The following NR4A1 variants were observed in gnomAD, a reference collection of about 807,000 sequenced individuals.
The protein encoded by NR4A1 is nuclear receptor subfamily 4 group A member 1.
In NR4A1, 24 loss-of-function variants were observed where a neutral mutation model predicts 47.5. The observed-to-expected ratio is 0.50, with a 90% CI of 0.37 to 0.71. NR4A1 has a LOEUF of 0.71. NR4A1 is among the 30% of genes least tolerant of loss of function. The pLI, the probability that NR4A1 is intolerant of heterozygous loss-of-function variation, is 0.00. For synonymous variants in NR4A1, 353 were observed against 345.7 expected (o/e 1.02, Z -0.24); for missense variants, 669 against 788.6 (o/e 0.85, Z 1.82).
chr12:52,040,661 C>T (rs895300873), intron 1 of NR4A1, among the ~76,000 whole-genome samples: 2 of 152,116 alleles, frequency 1.3e-5, no homozygotes, highest in African/African-American at 4.8e-5. Flanking sequence ...GGGAGGGGTG[C>T]TGACAATGTT....
At chr12:52,044,435 G>T (rs1938553906) in intron 2 of NR4A1, among the ~76,000 whole-genome samples, 1 of 152,184 alleles carries the variant, frequency 6.6e-6, no homozygotes, top group South Asian at 2.1e-4. Context: ...TGGCAAGTCC[G>T]CCAACCAGCT....
rs1939442345 is a variant in NR4A1 at position 52,059,310 on chromosome 12, G to A, written c.*366G>A. The A allele has an allele frequency of 4.9e-6, 1 of 202,056 alleles. No individual in the cohort carries two copies. Among genetic ancestry groups the A allele is most frequent in the Non-Finnish European group, 9.8e-6 (1 of 101,610 alleles). The allele number at this position is 202,056 out of a possible 1,614,324, so 12.5% of individuals were successfully genotyped here. A position where few individuals can be genotyped will look rare whatever the true frequency, so the allele number is the denominator to read the frequency against. On this transcript the variant is annotated 3_prime_UTR_variant, in exon 7 of 7. Transcript: ENST00000394825. ...AGGAAGGGATGGGCCCCGCCTTCCT[G>A]GGCAGCCTTTCCAGCCTCCTGCTGG...
At chr12:52,057,030 G>C in intron 4 of NR4A1, 27 bp from the exon 5 acceptor site, 1 of 1,559,380 alleles carries the variant, frequency 6.4e-7, no homozygotes, top group Non-Finnish European at 8.7e-7. Flanking sequence ...TGCCTGGGGT[G>C]CTGACCCCAC....
chr12:52,050,992 G>A (rs1443139185), upstream of NR4A1, among the ~76,000 whole-genome samples: 1 of 152,168 alleles, frequency 6.6e-6, no homozygotes, highest in Non-Finnish European at 1.5e-5. Flanking sequence ...AGCAACTGGA[G>A]AGTGAGGAGA....
At position 52,057,537 on chromosome 12, in the gene NR4A1, G is replaced by GACC; in HGVS notation, c.1540+9_1540+11dup. 1 of 1,613,616 alleles carries GACC rather than the reference G, an allele frequency of 6.2e-7. No homozygotes were observed. Among genetic ancestry groups the GACC allele is most frequent in the Non-Finnish European group, 8.5e-7 (1 of 1,179,944 alleles). ...GCCCTTGTCCTCATCACCGGTGAGTGACCAGCACCACACCAGGTCCAAGGG... is the reference window on the plus strand; with the variant it reads ...GCCCTTGTCCTCATCACCGGTGAGTGACCACCAGCACCACACCAGGTCCAAGGG... On this transcript the variant is annotated splice_region_variant and intron_variant, in intron 6 of 6. Coordinates refer to ENST00000394825, the MANE Select transcript of NR4A1 (RefSeq NM_173157.3).
intron 2 of NR4A1, among the ~76,000 whole-genome samples, chr12:52,043,221 G>T (rs1938503353): frequency 6.6e-6 from 1 of 152,178 alleles, no homozygotes; most frequent in Non-Finnish European, 1.5e-5. Flanking sequence ...GTGTTCTCTG[G>T]TCAGCTGGAG....
At chr12:52,024,389 T>C (rs574106945) in intron 1 of NR4A1, among the ~76,000 whole-genome samples, 1 of 152,306 alleles carries the variant, frequency 6.6e-6, no homozygotes, top group East Asian at 1.9e-4. Context: ...TTTTTCTCTC[T>C]CTCCAAGTGC....
At position 52,040,342 on chromosome 12, in the gene NR4A1, A is replaced by G. The variant is rs117149531; in HGVS notation, c.-83-1468A>G. Among the ~76,000 whole-genome samples, 120 of 152,182 alleles carry G rather than the reference A, an allele frequency of 7.9e-4. 1 individual carries two copies. In the East Asian group the frequency reaches 0.02, roughly 26 times the overall value. ...CCGTTCTGAGAACCAGATGGGGAAG[A>G]CCTGGGCACTCAGGTTGGGCCTGAC... On this transcript the variant is annotated intron_variant, in intron 1 of 7. Coordinates refer to the NR4A1 transcript ENST00000360284.
intron 1 of NR4A1, among the ~76,000 whole-genome samples, chr12:52,026,035 C>T (rs891627787): frequency 6.6e-6 from 1 of 152,228 alleles, no homozygotes; most frequent in African/African-American, 2.4e-5. Context: ...CTCTGGTGCC[C>T]AAGGTCGGAA....
rs573291683 is a variant in NR4A1 at position 52,038,740 on chromosome 12, C to T, written c.-83-3070C>T. The T allele has an allele frequency of 6.4e-5, 49 of 764,834 alleles. 2 individuals carry two copies. In the South Asian group the frequency reaches 6.4e-4, roughly 10 times the overall value. 47.4% of individuals were successfully genotyped at this position (764,834 alleles called of 1,614,324 possible). A position where few individuals can be genotyped will look rare whatever the true frequency, so the allele number is the denominator to read the frequency against. ...AAGTGCACAGTATAAAATCAAGATT[C>T]TAATTGAAGGTAACTGGGCAGAAGG... is the stretch of plus-strand genomic sequence containing the variant. On this transcript the variant is annotated intron_variant, in intron 1 of 7. Transcript: ENST00000360284.
chr12:52,036,477 G>A (rs1938238940), intron 1 of NR4A1, among the ~76,000 whole-genome samples: 1 of 152,232 alleles, frequency 6.6e-6, no homozygotes, highest in Non-Finnish European at 1.5e-5. Flanking sequence ...AGATATGGTG[G>A]ATAATCTGAT....
chr12:52,037,571 G>GA (rs1010501668), intron 1 of NR4A1: 2 of 983,866 alleles, frequency 2.0e-6, no homozygotes, highest in Non-Finnish European at 2.4e-6. Flanking sequence ...GGAGTCGGGG[G>GA]GGGGACTGGA....
chr12:52,052,411 T>C, intron 1 of NR4A1: 1 of 907,470 alleles, frequency 1.1e-6, no homozygotes, highest in East Asian at 1.2e-4. Flanking sequence ...CGGTGCTGCC[T>C]AGAGGATACC....
At chr12:52,028,430 TG>T (rs1938047196) in intron 1 of NR4A1, among the ~76,000 whole-genome samples, 1 of 150,440 alleles carries the variant, frequency 6.6e-6, no homozygotes, top group Admixed American at 6.6e-5. Flanking sequence ...AAAAATTAGC[TG>T]GGCGTGGTGG....
At chr12:52,036,673 C>A (rs79581827) in intron 1 of NR4A1, among the ~76,000 whole-genome samples, 2 of 152,212 alleles carry the variant, frequency 1.3e-5, no homozygotes, top group African/African-American at 2.4e-5. Flanking sequence ...GCTGCCTTCT[C>A]GTGTGGAAGC....
intron 1 of NR4A1, among the ~76,000 whole-genome samples, chr12:52,031,089 C>T (rs955279321): frequency 3.3e-5 from 5 of 152,096 alleles, no homozygotes; most frequent in African/African-American, 1.2e-4. Flanking sequence ...TGTCACAGCT[C>T]GCTACAGCCT....
rs546124146 is a variant in NR4A1, at chr12:52,041,854, C to T, written c.-39C>T. On this transcript the variant is annotated 5_prime_UTR_variant, in exon 2 of 8. Coordinates refer to the NR4A1 transcript ENST00000360284. ...GCCAGGCCCTGCCCCTCCCAGGCAGCCTGGCTCCTTCTGCTGGGCCCTGAA... is the reference window on the plus strand; with the variant it reads ...GCCAGGCCCTGCCCCTCCCAGGCAGTCTGGCTCCTTCTGCTGGGCCCTGAA... The T allele has an allele frequency of 1.7e-5, 26 of 1,520,340 alleles. No individual in the cohort carries two copies. The East Asian group carries it at 6.1e-4, about 36-fold the overall frequency. 94.2% of individuals were successfully genotyped at this position (1,520,340 alleles called of 1,614,324 possible).
In NR4A1 at chr12:52,059,035, T is replaced by G; in HGVS notation, c.*91T>G. Reference sequence around the variant, plus strand: ...CGGACCCCCAGAGCACCCCCAAGCCTGGGCTTGAGCTGCAGAATGACTCCA... The same window carrying G: ...CGGACCCCCAGAGCACCCCCAAGCCGGGGCTTGAGCTGCAGAATGACTCCA... On this transcript the variant is annotated 3_prime_UTR_variant, in exon 7 of 7. Transcript: ENST00000394825. The G allele has an allele frequency of 2.7e-6, 4 of 1,464,586 alleles. No homozygotes were observed. The highest frequency in any genetic ancestry group is 3.7e-6 in the Non-Finnish European group (4 of 1,091,778). The allele number at this position is 1,464,586 out of a possible 1,614,324, so 90.7% of individuals were successfully genotyped here. A position where few individuals can be genotyped will look rare whatever the true frequency, so the allele number is the denominator to read the frequency against.
At position 52,035,562 on chromosome 12, in the gene NR4A1, A is replaced by C. The variant is rs11829591; in HGVS notation, c.-83-6248A>C. 1.6e-4 allele frequency among the ~76,000 whole-genome samples: 25 copies of C among 152,236 alleles called. No homozygotes were observed. The East Asian group carries it at 4.2e-3, about 26-fold the overall frequency. ...CTGCTGGGGTAGGAAACAGGAGGGC[A>C]CAGGGTGAGTGAGGAAAAGTCAGTC... On this transcript the variant is annotated intron_variant, in intron 1 of 7. Coordinates refer to the NR4A1 transcript ENST00000360284.
Sources: allele counts gnomAD v4.1 joint callset (sites outside exome capture counted in the v4.1 genomes callset), GRCh38; gene constraint gnomAD v4.1.1; transcripts MANE v1.5; gene names NCBI Gene and HGNC (gene_info 2026-07-23, HGNC 2026-07-21).